Variants in DNAH11 observed in about 807,000 individuals in gnomAD.
DNAH11 encodes the protein dynein axonemal heavy chain 11.
Under a neutral mutation model 526.0 loss-of-function variants are expected in DNAH11, and 442 were observed. The ratio of observed to expected loss-of-function variants is 0.84; its 90% CI spans 0.78 to 0.91. The LOEUF is 0.91. Ranked by LOEUF, DNAH11 falls within the 40% of genes least tolerant of loss-of-function variation. The pLI is 0.00. For missense variants in DNAH11, 6,989 were observed against 5,448.7 expected, an observed-to-expected ratio of 1.28 and a Z score of -8.90; for synonymous variants, 2,461 against 1,935.9, an observed-to-expected ratio of 1.27 and a Z score of -7.12.
At chr7:21,703,588 C>T (rs1367038677) in intron 37 of DNAH11, 2 of 152,084 alleles carry the variant, frequency 1.3e-5, no homozygotes, top group Non-Finnish European at 2.9e-5. Flanking sequence ...TTTAAACCAT[C>T]GGATCTCGTG....
In DNAH11 at chr7:21,826,593, A is replaced by C. The variant is rs80002696; in HGVS notation, c.10691+8254A>C. Among the ~76,000 whole-genome samples, 4 of 151,208 alleles carry C rather than the reference A, an allele frequency of 2.6e-5. No individual in the cohort carries two copies. The South Asian group carries it at 8.3e-4, about 31-fold the overall frequency. On this transcript the variant is annotated intron_variant, in intron 65 of 81. Transcript: ENST00000409508. ...AATGAACATTTTACTTGATTTCTCT[A>C]TCCTCTTTTTTTTTTTCCTATGTGA...
At chr7:21,789,426 T>C (rs1788338114) in intron 61 of DNAH11, 84 bp downstream of exon 61, 1 of 797,378 alleles carries the variant, frequency 1.3e-6, no homozygotes, top group African/African-American at 1.7e-5. Flanking sequence ...GACAGCACCA[T>C]ATCTGAGCCC....
chr7:21,799,902 TA>T (rs1788893070), intron 61 of DNAH11, among the ~76,000 whole-genome samples: 1 of 152,206 alleles, frequency 6.6e-6, no homozygotes, highest in East Asian at 1.9e-4. Context: ...AGCAATGCTA[TA>T]AATCTTATTA....
intron 68 of DNAH11, among the ~76,000 whole-genome samples, chr7:21,860,063 C>T (rs1782998999): frequency 6.6e-6 from 1 of 152,070 alleles, no homozygotes; most frequent in African/African-American, 2.4e-5. Context: ...GTCTCAGCTA[C>T]CCAAGAGGCT....
chr7:21,855,907 A>G (rs1459039849), intron 68 of DNAH11, among the ~76,000 whole-genome samples: 1 of 152,136 alleles, frequency 6.6e-6, no homozygotes, highest in East Asian at 1.9e-4. Context: ...TGTAAGACAG[A>G]ATGATAGAGG....
At position 21,841,591 on chromosome 7, in the gene DNAH11, TGTGA is replaced by T. The variant is rs112473019; in HGVS notation, c.10692-941_10692-938del. On this transcript the variant is annotated intron_variant, in intron 65 of 81. Transcript: ENST00000409508. ...AGCTGGAATGTCTATATGGTCCCAG[TGTGA>T]GTGAGTGAGTGTGGGGGTGTGTGAG... 2.0e-5 allele frequency among the ~76,000 whole-genome samples: 3 copies of T among 151,822 alleles called. 1 individual carries two copies. In the South Asian group the frequency reaches 6.2e-4, roughly 31 times the overall value.
intron 66 of DNAH11, among the ~76,000 whole-genome samples, chr7:21,843,753 A>G (rs1188961586): frequency 3.9e-5 from 6 of 152,170 alleles, no homozygotes. Context: ...TGCTGGGATT[A>G]CAGGCATGAG....
chr7:21,848,040 G>A (rs1046063592), intron 66 of DNAH11, among the ~76,000 whole-genome samples: 1 of 151,890 alleles, frequency 6.6e-6, no homozygotes, highest in Non-Finnish European at 1.5e-5. Flanking sequence ...GGTGGCGGGT[G>A]CCTGTAGTCC....
At chr7:21,581,451 G>C (rs747150734) in intron 8 of DNAH11, among the ~76,000 whole-genome samples, 2 of 152,160 alleles carry the variant, frequency 1.3e-5, no homozygotes, top group African/African-American at 2.4e-5. Flanking sequence ...TTTCCGTGTA[G>C]ATTTACAACT....
At chr7:21,550,955 A>G (rs984032267) in intron 2 of DNAH11, among the ~76,000 whole-genome samples, 2 of 152,120 alleles carry the variant, frequency 1.3e-5, no homozygotes, top group African/African-American at 4.8e-5. Context: ...CTGTTTTATA[A>G]TCACCTTTTT....
Position 21,707,616 on chromosome 7 carries a change from C to A in DNAH11, c.6547-83C>A, listed in dbSNP as rs72657347. ...AGCATCTAGGAACATATAATGAATA[C>A]GGAAAACTCTTCAGAAATCTTTTAC... On this transcript the variant is annotated intron_variant, in intron 39 of 81. Coordinates refer to ENST00000409508, the MANE Select transcript of DNAH11 (RefSeq NM_001277115.2). 21 of 1,491,240 alleles carry A rather than the reference C, an allele frequency of 1.4e-5. No individual in the cohort carries two copies. The South Asian group carries it at 1.9e-4, about 14-fold the overall frequency. The allele number at this position is 1,491,240 out of a possible 1,614,324, so 92.4% of individuals were successfully genotyped here. A position where few individuals can be genotyped will look rare whatever the true frequency, so the allele number is the denominator to read the frequency against.
chr7:21,838,147 G>T (rs1782065155), intron 65 of DNAH11, among the ~76,000 whole-genome samples: 1 of 152,180 alleles, frequency 6.6e-6, no homozygotes, highest in South Asian at 2.1e-4. Flanking sequence ...GAATTTTGAT[G>T]ATGCTCTCCA....
Position 21,833,761 on chromosome 7 carries a change from A to G in DNAH11, c.10692-8783A>G, listed in dbSNP as rs140446980. Among the ~76,000 whole-genome samples, 535 of 152,290 alleles carry G rather than the reference A, an allele frequency of 3.5e-3. 3 individuals carry two copies. The highest frequency in any genetic ancestry group is 0.012 in the African/African-American group (506 of 41,572). On this transcript the variant is annotated intron_variant, in intron 65 of 81. Transcript: ENST00000409508. ...ACAGGATGCACATAGAGGTGTATTTAAAATATAAGTTTTATTGTAGAGATG... is the reference window on the plus strand; with the variant it reads ...ACAGGATGCACATAGAGGTGTATTTGAAATATAAGTTTTATTGTAGAGATG...
chr7:21,639,088 CGTATT>C lies in DNAH11; in HGVS notation c.4944+24_4944+28del, dbSNP rs1787004077. ...CAGGTAATATTTTTTTTGAAAGTCT[CGTATT>C]ATACTGTGTTAGCTGAGGAATGTCA... On this transcript the variant is annotated intron_variant, in intron 28 of 81. Transcript: ENST00000409508. The C allele has an allele frequency of 2.5e-6, 4 of 1,600,888 alleles. No individual in the cohort carries two copies. In the African/African-American group the frequency reaches 4.0e-5, roughly 16 times the overall value.
At chr7:21,810,536 T>C (rs1401949150) in intron 63 of DNAH11, among the ~76,000 whole-genome samples, 1 of 152,060 alleles carries the variant, frequency 6.6e-6, no homozygotes, top group South Asian at 2.1e-4. Context: ...GAGAACAGTT[T>C]TGAGGAGAGT....
chr7:21,675,384 A>G (rs1276820675), intron 30 of DNAH11, among the ~76,000 whole-genome samples: 3 of 152,204 alleles, frequency 2.0e-5, no homozygotes, highest in Admixed American at 6.5e-5. Context: ...CCTGCTGGCC[A>G]ACCCCTAAAT....
Position 21,600,006 on chromosome 7 carries a change from A to G in DNAH11, c.2887A>G (p.Arg963Gly), listed in dbSNP as rs185803317. 49 of 1,613,226 alleles carry G rather than the reference A, an allele frequency of 3.0e-5. No individual in the cohort carries two copies. The Middle Eastern group carries it at 9.9e-4, about 33-fold the overall frequency. Residue 963 changes from arginine (R) to glycine (G), a missense_variant, in exon 15 of 82, where the codon AGA (arginine) becomes GGA (glycine). By Grantham distance (125) the Arg-to-Gly change is moderately radical. Coordinates refer to ENST00000409508, the MANE Select transcript of DNAH11 (RefSeq NM_001277115.2). ...PEIVFKPSLD[R>G]EAGDGFYDLV... ...GATTGTGTTTAAACCTTCCCTAGACAGAGAGGCTGGGGATGGCTTCTATGA... is the reference window on the plus strand; with the variant it reads ...GATTGTGTTTAAACCTTCCCTAGACGGAGAGGCTGGGGATGGCTTCTATGA...
Position 21,681,570 on chromosome 7 carries a change from A to C in DNAH11, c.5353A>C (p.Thr1785Pro). 1 of 1,613,868 alleles carries C rather than the reference A, an allele frequency of 6.2e-7. No homozygotes were observed. The change falls in exon 31 of 82, where the codon ACA (threonine) becomes CCA (proline). Residue 1785 changes from threonine (T) to proline (P), a missense_variant. Thr to Pro is a conservative substitution (Grantham distance 38). Coordinates refer to ENST00000409508, the MANE Select transcript of DNAH11 (RefSeq NM_001277115.2). The part of the protein sequence containing the change: ...KQISQLNTLI[T>P]LLLGELPPGD... ...GATTTCTCAGCTGAATACACTGATTACACTTTTGCTGGGAGAACTTCCACC... is the reference window on the plus strand; with the variant it reads ...GATTTCTCAGCTGAATACACTGATTCCACTTTTGCTGGGAGAACTTCCACC...
chr7:21,748,799 G>C (rs867208490), intron 52 of DNAH11, 57 bp downstream of exon 52: 1 of 1,539,072 alleles, frequency 6.5e-7, no homozygotes, highest in African/African-American at 1.4e-5. Context: ...ATAAAGCCGA[G>C]GCTCCTAGTG....
Sources: allele counts gnomAD v4.1 joint callset (sites outside exome capture counted in the v4.1 genomes callset), GRCh38; gene constraint gnomAD v4.1.1; transcripts MANE v1.5; gene names NCBI Gene and HGNC (gene_info 2026-07-23, HGNC 2026-07-21).